The following KIFC3 variants were observed in gnomAD, a reference collection of about 807,000 sequenced individuals.
KIFC3 encodes kinesin-like protein KIFC3.
Under a neutral mutation model 101.8 loss-of-function variants are expected in KIFC3, and 60 were observed. The observed-to-expected ratio is 0.59, with a 90% CI of 0.48 to 0.73. KIFC3 has a LOEUF of 0.73. Ranked by LOEUF, KIFC3 falls within the 30% of genes least tolerant of loss-of-function variation. The probability of loss-of-function intolerance (pLI) is 0.00; values close to 1 mark genes in which losing one functional copy is unlikely to be tolerated. For missense variants in KIFC3, 966 were observed against 1,137.1 expected, an observed-to-expected ratio of 0.85 and a Z score of 2.16; for synonymous variants, 476 against 482.7, an observed-to-expected ratio of 0.99 and a Z score of 0.18.
chr16:57,827,004 G>A (rs2055472840), intron 1 of KIFC3, among the ~76,000 whole-genome samples: 2 of 152,176 alleles, frequency 1.3e-5, no homozygotes, highest in Admixed American at 6.5e-5. Flanking sequence ...AGTCTGCTAG[G>A]AAGGCTCTGC....
At chr16:57,787,928 G>A (rs1193090459) in intron 3 of KIFC3, among the ~76,000 whole-genome samples, 2 of 152,132 alleles carry the variant, frequency 1.3e-5, no homozygotes, top group Non-Finnish European at 2.9e-5. Context: ...TCCTTTTTCC[G>A]TCACACGCTC....
intron 1 of KIFC3, chr16:57,813,935 C>T: frequency 1.2e-6 from 1 of 829,576 alleles, no homozygotes; most frequent in Non-Finnish European, 1.5e-6. Flanking sequence ...TGTGCAGTCA[C>T]TCCTGCTTAT....
chr16:57,798,595 C>A (rs558060144), intron 1 of KIFC3: 60 of 469,150 alleles, frequency 1.3e-4, no homozygotes, highest in East Asian at 3.8e-4. Context: ...AGGTCCTAGC[C>A]CCACACAGAG....
intron 1 of KIFC3, among the ~76,000 whole-genome samples, chr16:57,823,805 T>TGTGTGTGTGTGTGTG (rs1568088586): frequency 1.5e-5 from 1 of 64,608 alleles, no homozygotes; most frequent in Non-Finnish European, 4.3e-5. Context: ...GTGTGTGTGT[T>TGTGTGTGTGTGTGTG]TTTAGTAGAG....
Position 57,758,675 on chromosome 16 carries a change from A to C in KIFC3, c.*259T>G, listed in dbSNP as rs782635878. On this transcript the variant is annotated 3_prime_UTR_variant, in exon 20 of 20. Transcript: ENST00000445690. ...CTGATGGCCCAGGCCTGCCAGGAAGAGCAGCCACCCCCGCCTTTCCGCCCA... is the reference window on the plus strand; with the variant it reads ...CTGATGGCCCAGGCCTGCCAGGAAGCGCAGCCACCCCCGCCTTTCCGCCCA... 134 of 712,236 alleles carry C rather than the reference A, an allele frequency of 1.9e-4. No individual in the cohort carries two copies. Among genetic ancestry groups the C allele is most frequent in the Middle Eastern group, 4.5e-4 (2 of 4,408 alleles). 44.1% of individuals were successfully genotyped at this position (712,236 alleles called of 1,614,324 possible).
In KIFC3 at chr16:57,768,533, A is replaced by ACACACACACACACACACG. The variant is rs782552995; in HGVS notation, c.1218+1061_1218+1062insCGTGTGTGTGTGTGTGTG. 9.4e-3 allele frequency among the ~76,000 whole-genome samples: 1,428 copies of ACACACACACACACACACG among 151,634 alleles called. 27 individuals carry two copies. The highest frequency in any genetic ancestry group is 0.031 in the African/African-American group (1,286 of 41,218). ...CTCACACACACACACACACACACACACACGCACAATTGGCTTAAGCATGCT... is the reference window on the plus strand; with the variant it reads ...CTCACACACACACACACACACACACACACACACACACACACACGCACGCACAATTGGCTTAAGCATGCT... On this transcript the variant is annotated intron_variant, in intron 9 of 19. Transcript: ENST00000445690.
chr16:57,839,520 A>G (rs904777301), intron 1 of KIFC3, among the ~76,000 whole-genome samples: 1 of 152,206 alleles, frequency 6.6e-6, no homozygotes, highest in Non-Finnish European at 1.5e-5. Context: ...AGCCTCGGTG[A>G]CAGAGCAAGA....
intron 1 of KIFC3, among the ~76,000 whole-genome samples, chr16:57,840,723 G>T (rs557085662): frequency 6.8e-6 from 1 of 147,456 alleles, no homozygotes; most frequent in Non-Finnish European, 1.5e-5. Context: ...TCTCGCCACC[G>T]CACTCCAGCC....
chr16:57,765,726 G>C, intron 10 of KIFC3, 86 bp from the exon 11 acceptor site: 4 of 1,331,714 alleles, frequency 3.0e-6, no homozygotes, highest in Non-Finnish European at 4.1e-6. Context: ...AGGCAGACTA[G>C]TTGACCTAGG....
At chr16:57,767,064 C>T in intron 9 of KIFC3, 79 bp from the exon 10 acceptor site, 2 of 1,082,664 alleles carry the variant, frequency 1.8e-6, no homozygotes, top group Non-Finnish European at 2.8e-6. Flanking sequence ...CTGAGGGGTG[C>T]TCACTGCCTC....
chr16:57,771,065 CA>C (rs1191884521), intron 6 of KIFC3, 132 bp downstream of exon 6: 2 of 1,199,678 alleles, frequency 1.7e-6, no homozygotes, highest in Non-Finnish European at 2.3e-6. Flanking sequence ...CAGGACCAAG[CA>C]CAGAACTGGA....
intron 3 of KIFC3, among the ~76,000 whole-genome samples, chr16:57,783,472 CTTTTTT>C (rs146386887): frequency 2.4e-5 from 2 of 82,626 alleles, no homozygotes; most frequent in African/African-American, 7.0e-5. Context: ...ATTTTCTTTT[CTTTTTT>C]TTTTTTTTTT....
intron 3 of KIFC3, chr16:57,775,232 G>A: frequency 7.6e-7 from 1 of 1,314,810 alleles, no homozygotes; most frequent in South Asian, 2.2e-5. Context: ...ATGGGGGATG[G>A]TGAGGGAGTT....
chr16:57,802,276 G>T lies in KIFC3; in HGVS notation c.-40+94C>A. On this transcript the variant is annotated intron_variant, in intron 1 of 19. Coordinates refer to ENST00000445690, the MANE Select transcript of KIFC3 (RefSeq NM_001130100.2). The surrounding 1 kb of genome is among the most constrained non-coding windows in gnomAD (Gnocchi z 5.0). ...GCGGGTCCGGGCAGAGGGGTCCCGAGGGCAGGGCCGGCCCGGACGCGGCGC... is the reference window on the plus strand; with the variant it reads ...GCGGGTCCGGGCAGAGGGGTCCCGATGGCAGGGCCGGCCCGGACGCGGCGC... 1 of 660,450 alleles carries T rather than the reference G, an allele frequency of 1.5e-6. No individual in the cohort carries two copies. Among genetic ancestry groups the T allele is most frequent in the Non-Finnish European group, 1.9e-6 (1 of 533,100 alleles). 40.9% of individuals were successfully genotyped at this position (660,450 alleles called of 1,614,324 possible).
chr16:57,763,343 T>TGCCTG (rs1555599675), intron 12 of KIFC3, among the ~76,000 whole-genome samples: 1 of 152,136 alleles, frequency 6.6e-6, no homozygotes, highest in Non-Finnish European at 1.5e-5. Flanking sequence ...TTCCTCCTCC[T>TGCCTG]GCCTGGCCTG....
At chr16:57,794,331 T>G (rs1555621676) in intron 3 of KIFC3, among the ~76,000 whole-genome samples, 1 of 151,778 alleles carries the variant, frequency 6.6e-6, no homozygotes, top group African/African-American at 2.4e-5. Flanking sequence ...GCTCAAGCGA[T>G]CCTCCCACCC....
At chr16:57,781,892 C>G (rs1797242616) in intron 3 of KIFC3, 2 of 980,076 alleles carry the variant, frequency 2.0e-6, no homozygotes, top group African/African-American at 1.7e-5. Flanking sequence ...TCGCATCTGG[C>G]TGACCCTTGC....
chr16:57,791,591 T>A (rs1015584892), intron 3 of KIFC3, among the ~76,000 whole-genome samples: 1 of 152,148 alleles, frequency 6.6e-6, no homozygotes, highest in African/African-American at 2.4e-5. Flanking sequence ...ATAATGGAGC[T>A]TTGTGGGGGC....
Position 57,802,361 on chromosome 16 carries a change from C to T in KIFC3, c.-40+9G>A. 1 of 982,838 alleles carries T rather than the reference C, an allele frequency of 1.0e-6. No individual in the cohort carries two copies. The highest frequency in any genetic ancestry group is 1.2e-6 in the Non-Finnish European group (1 of 828,350). 60.9% of individuals were successfully genotyped at this position (982,838 alleles called of 1,614,324 possible). A position where few individuals can be genotyped will look rare whatever the true frequency, so the allele number is the denominator to read the frequency against. On this transcript the variant is annotated intron_variant, in intron 1 of 19. Transcript: ENST00000445690. The surrounding 1 kb of genome is among the most constrained non-coding windows in gnomAD (Gnocchi z 5.0). The stretch of plus-strand genomic sequence containing the variant: ...GCTCGCACCCAGCCCGCCCGGGCCC[C>T]CCACTCACCGGCCTGGCGGAGGCAG...
Sources: allele counts gnomAD v4.1 joint callset (sites outside exome capture counted in the v4.1 genomes callset), GRCh38; gene constraint gnomAD v4.1.1; non-coding constraint Gnocchi (gnomAD v3.1); transcripts MANE v1.5; gene names NCBI Gene and HGNC (gene_info 2026-07-23, HGNC 2026-07-21).